FSIP2: variants seen among roughly 807,000 people sequenced by gnomAD.
The protein encoded by FSIP2 is fibrous sheath-interacting protein 2.
Under a neutral mutation model 510.5 loss-of-function variants are expected in FSIP2, and 367 were observed. The observed-to-expected ratio is 0.72, with a 90% CI of 0.66 to 0.78. The LOEUF (loss-of-function observed/expected upper bound fraction) is 0.78, where lower values mean the gene tolerates loss of function less well. Among genes scored for constraint, FSIP2 ranks in the 30% least tolerant of loss-of-function variants. The pLI is 0.00. For synonymous variants in FSIP2, 2,601 were observed against 2,732.2 expected (o/e 0.95, Z 1.50); for missense variants, 7,594 against 7,901.7 (o/e 0.96, Z 1.48).
chr2:185,833,074 T>C lies in FSIP2; in HGVS notation c.20588-16T>C, dbSNP rs541662107. ...AAAAATAAAGATATCATTCTTCTTG[T>C]TTACTTTGTCCACAGAAACTCCCAA... is the stretch of plus-strand genomic sequence containing the variant. On this transcript the variant is annotated splice_polypyrimidine_tract_variant and intron_variant, in intron 22 of 22. Coordinates refer to ENST00000424728, the MANE Select transcript of FSIP2 (RefSeq NM_173651.4). 3.1e-6 allele frequency: 5 copies of C among 1,608,766 alleles called. No individual in the cohort carries two copies. The African/African-American group carries it at 6.7e-5, about 22-fold the overall frequency.
In FSIP2 at chr2:185,795,675, G is replaced by T. The variant is rs1011291447; in HGVS notation, c.8539G>T (p.Glu2847Ter). 1.3e-6 allele frequency: 2 copies of T among 1,532,818 alleles called. No homozygotes were observed. The highest frequency in any genetic ancestry group is 2.0e-5 in the Admixed American group (1 of 50,722). 95.0% of individuals were successfully genotyped at this position (1,532,818 alleles called of 1,614,324 possible). A position where few individuals can be genotyped will look rare whatever the true frequency, so the allele number is the denominator to read the frequency against. ...AAAATTGTTTGACAAGTGGCAAACA[G>T]AATCAAATGACAAGGAAAATGAAAA... ...FKKLFDKWQT[E>*]SNDKENEKCK... Residue 2847 changes from glutamate (E) to a stop codon, truncating the protein, a stop_gained, in exon 16 of 23, where the codon GAA (glutamate) becomes TAA (stop). Transcript: ENST00000424728. LOFTEE classifies it high-confidence loss of function.
At chr2:185,739,114 C>T (rs1179898625) in intron 1 of FSIP2, 121 bp downstream of exon 1, 4 of 1,309,504 alleles carry the variant, frequency 3.1e-6, no homozygotes, top group South Asian at 1.5e-5. Context: ...AGGAGGCTGC[C>T]CTCTTGCGGC....
intron 19 of FSIP2, among the ~76,000 whole-genome samples, chr2:185,820,940 G>C (rs1364470281): frequency 8.2e-6 from 1 of 121,982 alleles, no homozygotes; most frequent in African/African-American, 3.0e-5. Context: ...AAATAATAAA[G>C]ATTAGACCAG....
rs901235073 is a variant in FSIP2, at chr2:185,797,011, T to C, written c.9875T>C (p.Ile3292Thr). ...GCATTAAAGCAAGTCTTGTCATTCA[T>C]AGAAATGGGAAAAGGTGAAAATCTA... ...EAALKQVLSF[I>T]EMGKGENLRV... Residue 3292 changes from isoleucine to threonine, a missense_variant, in exon 16 of 23, where the codon ATA becomes ACA. Transcript: ENST00000424728. 1.7e-5 allele frequency: 26 copies of C among 1,535,118 alleles called. No homozygotes were observed. The highest frequency in any genetic ancestry group is 2.0e-5 in the Admixed American group (1 of 50,908).
chr2:185,756,614 T>G (rs1692251977), intron 9 of FSIP2, among the ~76,000 whole-genome samples: 1 of 151,442 alleles, frequency 6.6e-6, no homozygotes. Flanking sequence ...CTCTGAAATA[T>G]GTCAGAAATT....
chr2:185,783,728 T>G (rs1692904930), intron 14 of FSIP2: 1 of 152,174 alleles, frequency 6.6e-6, no homozygotes, highest in Admixed American at 6.5e-5. Context: ...TTATTTTACT[T>G]ATTTGATACA....
intron 13 of FSIP2, among the ~76,000 whole-genome samples, chr2:185,776,246 G>T (rs1474703947): frequency 2.0e-5 from 3 of 152,106 alleles, no homozygotes; most frequent in African/African-American, 7.2e-5. Context: ...CTCCAGCCCA[G>T]GTGACAAAGT....
At position 185,813,785 on chromosome 2, in the gene FSIP2, G is replaced by C. The variant is rs1693782774; in HGVS notation, c.20068G>C (p.Val6690Leu). The change falls in exon 18 of 23, where the codon GTC becomes CTC. Residue 6690 changes from valine to leucine, a missense_variant. Transcript: ENST00000424728. Reference sequence around the variant, plus strand: ...AGTATTTGAAGATCAAGTGAAAGAAGTCAAGAAGCCAATACAAAGCAAACT... The same window carrying C: ...AGTATTTGAAGATCAAGTGAAAGAACTCAAGAAGCCAATACAAAGCAAACT... ...IKVFEDQVKEVKKPIQSKLSP... is the reference protein window; with the variant it reads ...IKVFEDQVKELKKPIQSKLSP... 1 of 1,613,360 alleles carries C rather than the reference G, an allele frequency of 6.2e-7. No homozygotes were observed. The highest frequency in any genetic ancestry group is 8.5e-7 in the Non-Finnish European group (1 of 1,179,726).
intron 13 of FSIP2, among the ~76,000 whole-genome samples, chr2:185,778,195 A>G (rs1574172109): frequency 6.6e-6 from 1 of 152,152 alleles, no homozygotes; most frequent in Non-Finnish European, 1.5e-5. Flanking sequence ...TGCTAAGCAG[A>G]TGTACTCAGG....
chr2:185,763,200 G>A lies in FSIP2; in HGVS notation c.1258G>A (p.Gly420Ser). The A allele has an allele frequency of 1.4e-6, 2 of 1,475,664 alleles. No individual in the cohort carries two copies. The highest frequency in any genetic ancestry group is 1.8e-6 in the Non-Finnish European group (2 of 1,092,698). The allele number at this position is 1,475,664 out of a possible 1,614,324, so 91.4% of individuals were successfully genotyped here. A position where few individuals can be genotyped will look rare whatever the true frequency, so the allele number is the denominator to read the frequency against. ...FDDRGGINIS[G>S]QGSIISAQVS... is the part of the protein sequence containing the mutation. Reference sequence around the variant, plus strand: ...TTCTCTAGGAGGTATAAATATTTCAGGCCAAGGTTCAATTATTTCAGCGCA... The same window carrying A: ...TTCTCTAGGAGGTATAAATATTTCAAGCCAAGGTTCAATTATTTCAGCGCA... The change falls in exon 12 of 23, where the codon GGC (glycine) becomes AGC (serine). Residue 420 changes from glycine to serine, a missense_variant. Gly to Ser is a moderately conservative substitution (Grantham distance 56). Transcript: ENST00000424728.
At chr2:185,766,254 T>A (rs1039270618) in intron 13 of FSIP2, 1 of 151,754 alleles carries the variant, frequency 6.6e-6, no homozygotes, top group African/African-American at 2.4e-5. Context: ...GACATAGGCA[T>A]GGGCAAGGAC....
intron 19 of FSIP2, among the ~76,000 whole-genome samples, chr2:185,819,100 A>G (rs1257196955): frequency 6.6e-6 from 1 of 151,926 alleles, no homozygotes; most frequent in Non-Finnish European, 1.5e-5. Flanking sequence ...TGTGTTAAAA[A>G]GTAGAGTTTT....
At chr2:185,831,949 AT>A (rs1403468998) in intron 22 of FSIP2, 67 bp downstream of exon 22, 53 of 938,714 alleles carry the variant, frequency 5.6e-5, no homozygotes, top group Non-Finnish European at 8.1e-5. Flanking sequence ...TGAATTTAGA[AT>A]TTTTTATTAC....
upstream of FSIP2, chr2:185,738,791 T>C (rs1400460383): frequency 7.2e-6 from 11 of 1,535,742 alleles, no homozygotes; most frequent in South Asian, 5.9e-5. Context: ...GCTGAGGTCG[T>C]TGGGCTCTGG....
At chr2:185,738,343 A>C (rs542214344), upstream of FSIP2, 7 of 441,444 alleles carry the variant, frequency 1.6e-5, no homozygotes, top group East Asian at 3.4e-4. Flanking sequence ...GCTAGAAAGG[A>C]GAAGGAAACC....
rs1314235153 is a variant in FSIP2 at position 185,808,576 on chromosome 2, T to A, written c.19270T>A (p.Ser6424Thr). The A allele has an allele frequency of 1.2e-6, 2 of 1,612,286 alleles. No individual in the cohort carries two copies. Among genetic ancestry groups the A allele is most frequent in the Admixed American group, 3.3e-5 (2 of 59,808 alleles). ...NTERIYQVVD[S>T]VYSNILQQSG... ...AGAAAGGATTTATCAGGTTGTCGAT[T>A]CCGTTTATAGTAACATACTGCAACA... Residue 6424 changes from serine to threonine, a missense_variant, in exon 17 of 23, where the codon TCC (serine) becomes ACC (threonine). Transcript: ENST00000424728.
At position 185,793,193 on chromosome 2, in the gene FSIP2, TAAAG is replaced by T. The variant is rs1693179533; in HGVS notation, c.6062_6065del (p.Glu2021GlyfsTer6). On this transcript the variant is annotated frameshift_variant, in exon 16 of 23. Transcript: ENST00000424728. LOFTEE classifies it high-confidence loss of function. ...TACAAGGAATCAAACAGGAATTAGA[TAAAG>T]AAAGGGAAAATCCTTTTTTAACTCA... 6.5e-7 allele frequency: 1 copy of T among 1,533,804 alleles called. No homozygotes were observed. Among genetic ancestry groups the T allele is most frequent in the Admixed American group, 2.0e-5 (1 of 50,752 alleles).
rs1357067210 is a variant in FSIP2 at position 185,813,841 on chromosome 2, C to A, written c.20124C>A (p.Ser6708Arg). The change falls in exon 18 of 23, where the codon AGC becomes AGA. Residue 6708 changes from serine to arginine, a missense_variant. By Grantham distance (110) the Ser-to-Arg change is moderately radical (BLOSUM62 -1). Coordinates refer to ENST00000424728, the MANE Select transcript of FSIP2 (RefSeq NM_173651.4). ...LSPKSTLSTSSLKKFLSLSKC... is the reference protein window; with the variant it reads ...LSPKSTLSTSRLKKFLSLSKC... Reference sequence around the variant, plus strand: ...CTAAGTCAACACTAAGCACGAGCAGCCTGAAAAAATTTTTGTCACTAAGTA... The same window carrying A: ...CTAAGTCAACACTAAGCACGAGCAGACTGAAAAAATTTTTGTCACTAAGTA... 1 of 1,613,516 alleles carries A rather than the reference C, an allele frequency of 6.2e-7. No individual in the cohort carries two copies. Among genetic ancestry groups the A allele is most frequent in the Admixed American group, 1.7e-5 (1 of 59,924 alleles).
Position 185,764,553 on chromosome 2 carries a change from C to G in FSIP2, c.1399C>G (p.Leu467Val). The G allele has an allele frequency of 6.6e-7, 1 of 1,524,704 alleles. No individual in the cohort carries two copies. Among genetic ancestry groups the G allele is most frequent in the East Asian group, 2.5e-5 (1 of 40,648 alleles). 94.4% of individuals were successfully genotyped at this position (1,524,704 alleles called of 1,614,324 possible). The change falls in exon 13 of 23, where the codon CTC becomes GTC. Residue 467 changes from leucine (L) to valine (V), a missense_variant. Coordinates refer to ENST00000424728, the MANE Select transcript of FSIP2 (RefSeq NM_173651.4). ...AAGACCAACCAAGAGATCAAGCTAT[C>G]TCTGCGAATCAGGTAAATATCAGCA... ...DGRPTKRSSY[L>V]CESGPQAHAT...
Sources: allele counts gnomAD v4.1 joint callset (sites outside exome capture counted in the v4.1 genomes callset), GRCh38; gene constraint gnomAD v4.1.1; transcripts MANE v1.5; gene names NCBI Gene and HGNC (gene_info 2026-07-23, HGNC 2026-07-21).